Variants in BCKDHB observed in about 807,000 individuals in gnomAD.
The protein encoded by BCKDHB is 2-oxoisovalerate dehydrogenase subunit beta, mitochondrial.
A neutral mutation model predicts 48.5 loss-of-function variants in BCKDHB; 41 were observed. The ratio of observed to expected loss-of-function variants is 0.85; its 90% confidence interval spans 0.66 to 1.10. BCKDHB has a LOEUF of 1.10. Ranked by LOEUF, BCKDHB falls within the 50% of genes least tolerant of loss-of-function variation. The probability of loss-of-function intolerance (pLI) is 0.00; values close to 1 mark genes in which losing one functional copy is unlikely to be tolerated. For synonymous variants in BCKDHB, 201 were observed against 174.8 expected (o/e 1.15, Z -1.18); for missense variants, 496 against 494.2 (o/e 1.00, Z -0.03).
At chr6:80,331,045 A>G (rs966751485) in intron 9 of BCKDHB, among the ~76,000 whole-genome samples, 1 of 152,190 alleles carries the variant, frequency 6.6e-6, no homozygotes, top group African/African-American at 2.4e-5. Context: ...ACTAGGTTAT[A>G]TTGTTAATGC....
intron 8 of BCKDHB, among the ~76,000 whole-genome samples, chr6:80,211,907 A>C (rs1204292098): frequency 6.6e-6 from 1 of 152,126 alleles, no homozygotes; most frequent in Non-Finnish European, 1.5e-5. Flanking sequence ...TAAGGGCTTC[A>C]AAAGGGGAGG....
At chr6:80,273,811 GA>G (rs1777854788) in intron 9 of BCKDHB, among the ~76,000 whole-genome samples, 1 of 151,718 alleles carries the variant, frequency 6.6e-6, no homozygotes, top group African/African-American at 2.4e-5. Context: ...CACATATCAG[GA>G]AAAAATTTTA....
intron 3 of BCKDHB, among the ~76,000 whole-genome samples, chr6:80,151,403 T>C (rs989924089): frequency 2.0e-5 from 3 of 151,598 alleles, no homozygotes; most frequent in African/African-American, 7.3e-5. Context: ...TGATATTATT[T>C]AATTTTTAAA....
chr6:80,358,003 C>T, the BCKDHB span, among the ~76,000 whole-genome samples: 3 of 152,280 alleles, frequency 2.0e-5, no homozygotes, highest in South Asian at 6.2e-4. Flanking sequence ...CTTACTCTAA[C>T]CCTTGACTAA....
intron 8 of BCKDHB, among the ~76,000 whole-genome samples, chr6:80,232,746 TATG>T (rs1255172260): frequency 4.6e-5 from 6 of 130,544 alleles, no homozygotes; most frequent in Non-Finnish European, 6.4e-5. Flanking sequence ...TATATAGAGA[TATG>T]ATATATGTTA....
chr6:80,238,238 C>T (rs1304551109), intron 8 of BCKDHB, among the ~76,000 whole-genome samples: 1 of 152,198 alleles, frequency 6.6e-6, no homozygotes, highest in Non-Finnish European at 1.5e-5. Context: ...GCTGGGGCTA[C>T]AGGCGCATGC....
chr6:80,283,256 G>A (rs1766451167), intron 9 of BCKDHB, among the ~76,000 whole-genome samples: 1 of 151,832 alleles, frequency 6.6e-6, no homozygotes, highest in African/African-American at 2.4e-5. Flanking sequence ...ACTAACATTG[G>A]GTTCACTGCT....
At chr6:80,226,276 A>G (rs751001477) in intron 8 of BCKDHB, among the ~76,000 whole-genome samples, 77 of 152,238 alleles carry the variant, frequency 5.1e-4, no homozygotes, top group Non-Finnish European at 1.0e-3. Context: ...ATATAGGGGC[A>G]TTCAACGAGA....
the BCKDHB span, among the ~76,000 whole-genome samples, chr6:80,378,480 A>G: frequency 6.6e-6 from 1 of 152,010 alleles, no homozygotes; most frequent in Non-Finnish European, 1.5e-5. Flanking sequence ...TATATATAAT[A>G]TAAAGAAAAC....
At chr6:80,146,533 G>A (rs1771497187) in intron 3 of BCKDHB, among the ~76,000 whole-genome samples, 1 of 152,136 alleles carries the variant, frequency 6.6e-6, no homozygotes. Context: ...TAAATCCGCA[G>A]GGATGGGGAG....
At chr6:80,261,329 G>A (rs141304467) in intron 8 of BCKDHB, among the ~76,000 whole-genome samples, 245 of 152,192 alleles carry the variant, frequency 1.6e-3, no homozygotes, top group Non-Finnish European at 2.7e-3. Flanking sequence ...TCCAGCAGTG[G>A]TCCTTGGCTG....
chr6:80,403,212 C>G, the BCKDHB span, among the ~76,000 whole-genome samples: 1 of 151,746 alleles, frequency 6.6e-6, no homozygotes, highest in African/African-American at 2.4e-5. Context: ...TTAACAATAT[C>G]AATTCTTCCA....
At chr6:80,308,796 C>T (rs1323877294) in intron 9 of BCKDHB, among the ~76,000 whole-genome samples, 1 of 151,812 alleles carries the variant, frequency 6.6e-6, no homozygotes, top group South Asian at 2.1e-4. Flanking sequence ...GGAGTTTCAC[C>T]GTGTCTCGAT....
chr6:80,375,189 G>A, the BCKDHB span, among the ~76,000 whole-genome samples: 1 of 152,166 alleles, frequency 6.6e-6, no homozygotes, highest in Non-Finnish European at 1.5e-5. Context: ...GGATTTGAAT[G>A]TTTAGATCTC....
chr6:80,182,534 G>T (rs1277267223), intron 6 of BCKDHB, among the ~76,000 whole-genome samples: 1 of 152,076 alleles, frequency 6.6e-6, no homozygotes, highest in Non-Finnish European at 1.5e-5. Context: ...TGAGTCATGT[G>T]TTTTCTTTGT....
intron 3 of BCKDHB, among the ~76,000 whole-genome samples, chr6:80,148,782 C>G (rs1377479381): frequency 1.3e-5 from 2 of 152,134 alleles, no homozygotes; most frequent in African/African-American, 4.8e-5. Flanking sequence ...AAAGCTGAAA[C>G]TGGATCCCTT....
At chr6:80,167,127 G>A (rs1293156011) in intron 3 of BCKDHB, among the ~76,000 whole-genome samples, 3 of 151,898 alleles carry the variant, frequency 2.0e-5, no homozygotes, top group Non-Finnish European at 2.9e-5. Flanking sequence ...AACAGTATGC[G>A]TTTTCCCTCT....
chr6:80,299,629 G>C (rs1295326505), intron 9 of BCKDHB, among the ~76,000 whole-genome samples: 2 of 152,176 alleles, frequency 1.3e-5, no homozygotes, highest in African/African-American at 4.8e-5. Flanking sequence ...ATAAGTGAAG[G>C]AGAAACAAAA....
At chr6:80,153,853 T>G (rs960460220) in intron 3 of BCKDHB, among the ~76,000 whole-genome samples, 1 of 152,220 alleles carries the variant, frequency 6.6e-6, no homozygotes, top group African/African-American at 2.4e-5. Context: ...GGAACCAGAT[T>G]TAAACCCATG....
Sources: allele counts gnomAD v4.1 joint callset (sites outside exome capture counted in the v4.1 genomes callset), GRCh38; gene constraint gnomAD v4.1.1; transcripts MANE v1.5; gene names NCBI Gene and HGNC (gene_info 2026-07-23, HGNC 2026-07-21).